Variants in C1QTNF7 observed in about 807,000 individuals in gnomAD.
The protein encoded by C1QTNF7 is complement C1q tumor necrosis factor-related protein 7.
C1QTNF7 carries 15 observed loss-of-function variants against 19.6 expected under a neutral mutation model. The ratio of observed to expected loss-of-function variants is 0.76; its 90% CI spans 0.51 to 1.18. The LOEUF (loss-of-function observed/expected upper bound fraction) is 1.18. Among genes scored for constraint, C1QTNF7 ranks in the 50% most tolerant of loss-of-function variants. The pLI is 0.00. For missense variants in C1QTNF7, 324 were observed against 359.7 expected (o/e 0.90, Z 0.80); for synonymous variants, 142 against 137.5 (o/e 1.03, Z -0.23).
rs1054970731 is a variant in C1QTNF7, at chr4:15,442,642, A to T, written c.713A>T (p.Tyr238Phe). 3 of 1,614,110 alleles carry T rather than the reference A, an allele frequency of 1.9e-6. No individual in the cohort carries two copies. Among genetic ancestry groups the T allele is most frequent in the Non-Finnish European group, 1.7e-6 (2 of 1,180,050 alleles). Residue 238 changes from tyrosine (Y) to phenylalanine (F), a missense_variant, in exon 3 of 3, where the codon TAT (tyrosine) becomes TTT (phenylalanine). Coordinates refer to ENST00000444304, the MANE Select transcript of C1QTNF7 (RefSeq NM_031911.5). ...HDVASGSTVI[Y>F]LQPEDEVWLE... ...GTGGCTTCGGGGTCCACAGTCATCT[A>T]TCTGCAGCCAGAAGATGAAGTCTGG...
intron 1 of C1QTNF7, among the ~76,000 whole-genome samples, chr4:15,349,706 C>T (rs1404696145): frequency 6.6e-6 from 1 of 152,162 alleles, no homozygotes; most frequent in South Asian, 2.1e-4. Context: ...AATTCCTTTT[C>T]TTTTCCTTGA....
intron 1 of C1QTNF7, among the ~76,000 whole-genome samples, chr4:15,408,125 T>A (rs558856498): frequency 6.6e-6 from 1 of 151,134 alleles, no homozygotes; most frequent in East Asian, 1.9e-4. Context: ...AAAACAAAAT[T>A]AGCCAAGCAT....
intron 1 of C1QTNF7, among the ~76,000 whole-genome samples, chr4:15,389,744 AC>A (rs1718484971): frequency 6.6e-6 from 1 of 152,160 alleles, no homozygotes; most frequent in South Asian, 2.1e-4. Flanking sequence ...TGTGTGGAGC[AC>A]CCAGAAATCT....
intron 1 of C1QTNF7, among the ~76,000 whole-genome samples, chr4:15,350,184 AGGAAGGAAGGAAGGG>A (rs1716868230): frequency 8.5e-6 from 1 of 117,954 alleles, no homozygotes; most frequent in African/African-American, 3.2e-5. Flanking sequence ...GGAGGGAGGC[AGGAAGGAAGGAAGGG>A]AAGAAGGAAG....
intron 1 of C1QTNF7, among the ~76,000 whole-genome samples, chr4:15,376,581 C>T (rs1397762292): frequency 6.6e-6 from 1 of 152,168 alleles, no homozygotes; most frequent in Non-Finnish European, 1.5e-5. Context: ...TTGTTTTTGT[C>T]TCTTTCATAT....
chr4:15,422,599 A>C (rs1188764620), intron 1 of C1QTNF7, among the ~76,000 whole-genome samples: 1 of 152,048 alleles, frequency 6.6e-6, no homozygotes, highest in Non-Finnish European at 1.5e-5. Flanking sequence ...AATATGTTTA[A>C]AACTTTCGAT....
At chr4:15,418,494 T>C (rs1711547936) in intron 1 of C1QTNF7, among the ~76,000 whole-genome samples, 1 of 152,094 alleles carries the variant, frequency 6.6e-6, no homozygotes, top group Non-Finnish European at 1.5e-5. Flanking sequence ...CACATACTGT[T>C]CTCCCTCCCT....
intron 1 of C1QTNF7, among the ~76,000 whole-genome samples, chr4:15,405,680 A>G (rs62289285): frequency 0.25 from 38,619 of 152,142 alleles, 5,920 homozygotes; most frequent in East Asian, 0.37. Flanking sequence ...ATAGTTGAAG[A>G]TCAAATTTGA....
At chr4:15,373,387 A>C (rs1211472643) in intron 1 of C1QTNF7, among the ~76,000 whole-genome samples, 1 of 152,212 alleles carries the variant, frequency 6.6e-6, no homozygotes, top group Admixed American at 6.5e-5. Context: ...ATATTATCAC[A>C]TTGGATCTTA....
chr4:15,375,971 G>A (rs1333999994), intron 1 of C1QTNF7, among the ~76,000 whole-genome samples: 2 of 152,110 alleles, frequency 1.3e-5, no homozygotes, highest in Admixed American at 1.3e-4. Context: ...TCCAAGAGTC[G>A]AAAGGCTCTA....
rs1374987666 is a variant in C1QTNF7, at chr4:15,442,325, C to T, written c.396C>T (p.Asp132=). 2 of 1,614,074 alleles carry T rather than the reference C, an allele frequency of 1.2e-6. No homozygotes were observed. The highest frequency in any genetic ancestry group is 3.3e-5 in the Admixed American group (2 of 60,010). The part of the protein sequence containing the change: ...GPKGDRGEQG[D]PGLPGVCRCG... ...AGGGAGACAGAGGAGAACAAGGGGACCCGGGGCTGCCTGGAGTTTGCAGAT... is the reference window on the plus strand; with the variant it reads ...AGGGAGACAGAGGAGAACAAGGGGATCCGGGGCTGCCTGGAGTTTGCAGAT... The change falls in exon 3 of 3, where the codon GAC becomes GAT. Residue 132 remains aspartate, a synonymous_variant. Transcript: ENST00000444304.
intron 1 of C1QTNF7, among the ~76,000 whole-genome samples, chr4:15,396,600 G>A (rs1718791874): frequency 6.6e-6 from 1 of 152,076 alleles, no homozygotes; most frequent in African/African-American, 2.4e-5. Flanking sequence ...CATAAAGCAG[G>A]GAGTAGGGAC....
At chr4:15,387,088 T>A (rs901728004) in intron 1 of C1QTNF7, among the ~76,000 whole-genome samples, 3 of 152,086 alleles carry the variant, frequency 2.0e-5, no homozygotes, top group Non-Finnish European at 4.4e-5. Flanking sequence ...GCTGAGACAC[T>A]TGAGGTGATG....
intron 2 of C1QTNF7, among the ~76,000 whole-genome samples, chr4:15,439,195 C>G (rs1051373325): frequency 3.9e-5 from 6 of 152,188 alleles, no homozygotes; most frequent in African/African-American, 1.2e-4. Flanking sequence ...TGAGCAAATT[C>G]TTCATACAAA....
intron 1 of C1QTNF7, among the ~76,000 whole-genome samples, chr4:15,392,840 G>A (rs2430321): frequency 0.069 from 10,511 of 152,238 alleles, 456 homozygotes; most frequent in African/African-American, 0.13. Flanking sequence ...GAGAGTAACC[G>A]GGAAAACAGG....
intron 1 of C1QTNF7, among the ~76,000 whole-genome samples, chr4:15,417,469 C>A (rs2108922422): frequency 6.6e-6 from 1 of 152,316 alleles, no homozygotes; most frequent in African/African-American, 2.4e-5. Flanking sequence ...CCTGAGGCTG[C>A]ATAATTTATA....
chr4:15,353,127 G>A (rs561684024), intron 1 of C1QTNF7, among the ~76,000 whole-genome samples: 11 of 152,208 alleles, frequency 7.2e-5, no homozygotes, highest in Non-Finnish European at 1.5e-4. Flanking sequence ...GTACTGAGAC[G>A]GGGGAATGAG....
At chr4:15,418,510 GC>G (rs1175241565) in intron 1 of C1QTNF7, among the ~76,000 whole-genome samples, 2 of 152,036 alleles carry the variant, frequency 1.3e-5, no homozygotes, top group African/African-American at 4.8e-5. Flanking sequence ...TCCCTGTGAG[GC>G]TTTTATCCCA....
intron 1 of C1QTNF7, among the ~76,000 whole-genome samples, chr4:15,401,072 C>T (rs1718974843): frequency 6.6e-6 from 1 of 152,294 alleles, no homozygotes; most frequent in Non-Finnish European, 1.5e-5. Flanking sequence ...CGGGCGCACC[C>T]CAGTGCTGCA....
Sources: gnomAD v4.1 joint callset for allele counts (sites outside exome capture counted in the v4.1 genomes callset) on GRCh38, gnomAD v4.1.1 for gene constraint, MANE v1.5 for transcripts, NCBI Gene and HGNC (gene_info 2026-07-23, HGNC 2026-07-21) for gene names.